DNAJC6: variants seen among roughly 807,000 people sequenced by gnomAD.
The protein encoded by DNAJC6 is DnaJ heat shock protein family (Hsp40) member C6, also known as auxilin.
Under a neutral mutation model 110.0 loss-of-function variants are expected in DNAJC6, and 34 were observed. The observed-to-expected ratio is 0.31, with a 90% CI of 0.24 to 0.41. The LOEUF is 0.41. Among genes scored for constraint, DNAJC6 ranks in the 10% least tolerant of loss-of-function variants. DNAJC6 has a pLI of 1.00. For synonymous variants in DNAJC6, 406 were observed against 437.2 expected, an observed-to-expected ratio of 0.93 and a Z score of 0.89; for missense variants, 1,031 against 1,207.8, an observed-to-expected ratio of 0.85 and a Z score of 2.17.
At chr1:65,300,956 T>C (rs72915235) in intron 1 of DNAJC6, among the ~76,000 whole-genome samples, 1 of 152,330 alleles carries the variant, frequency 6.6e-6, no homozygotes, top group African/African-American at 2.4e-5. Flanking sequence ...ATCCAGATTT[T>C]AAGGATCTTG....
At chr1:65,341,433 A>G (rs1214396339) in intron 1 of DNAJC6, among the ~76,000 whole-genome samples, 1 of 152,090 alleles carries the variant, frequency 6.6e-6, no homozygotes, top group Non-Finnish European at 1.5e-5. Context: ...AGCACCTGTG[A>G]GCTCTGATTG....
chr1:65,352,270 AG>A lies in DNAJC6; in HGVS notation c.194-12359del, dbSNP rs368278468. ...CTGGGTTCTTTCCTCTCATTGTCCA[AG>A]GGGGGCTTCCAGCTCTCTGACTGTT... is the stretch of plus-strand genomic sequence containing the variant. On this transcript the variant is annotated intron_variant, in intron 1 of 18. Transcript: ENST00000371069. 1.6e-3 allele frequency among the ~76,000 whole-genome samples: 238 copies of A among 152,218 alleles called. 1 individual carries two copies. The highest frequency in any genetic ancestry group is 5.6e-3 in the African/African-American group (232 of 41,546).
At chr1:65,352,442 CA>C (rs538682561) in intron 1 of DNAJC6, among the ~76,000 whole-genome samples, 14 of 149,650 alleles carry the variant, frequency 9.4e-5, no homozygotes, top group Non-Finnish European at 1.8e-4. Context: ...ATGCACTATC[CA>C]TTGTGCCACA....
intron 17 of DNAJC6, among the ~76,000 whole-genome samples, chr1:65,410,971 T>C (rs1409563908): frequency 6.6e-6 from 1 of 152,154 alleles, no homozygotes; most frequent in East Asian, 1.9e-4. Context: ...TGAGTATAAC[T>C]CTGGGGGTGG....
chr1:65,362,623 A>G (rs1316676672), intron 1 of DNAJC6, among the ~76,000 whole-genome samples: 1 of 152,204 alleles, frequency 6.6e-6, no homozygotes, highest in Non-Finnish European at 1.5e-5. Flanking sequence ...CACAATTTTT[A>G]TCCCTATTTT....
intron 1 of DNAJC6, among the ~76,000 whole-genome samples, chr1:65,265,968 C>T (rs369240575): frequency 6.6e-6 from 1 of 152,378 alleles, no homozygotes; most frequent in East Asian, 1.9e-4. Flanking sequence ...GCGCAGCAGT[C>T]TGCGCTTCGA....
chr1:65,402,604 G>A (rs745550229), intron 15 of DNAJC6, among the ~76,000 whole-genome samples: 22 of 152,088 alleles, frequency 1.4e-4, no homozygotes, highest in Non-Finnish European at 2.5e-4. Flanking sequence ...CCTCCTCTAG[G>A]GCAGTGCAGA....
intron 1 of DNAJC6, among the ~76,000 whole-genome samples, chr1:65,282,115 C>T (rs1306084993): frequency 6.6e-6 from 1 of 152,086 alleles, no homozygotes; most frequent in African/African-American, 2.4e-5. Context: ...TTTGTAGAGA[C>T]AAAGTCTCAC....
upstream of DNAJC6, among the ~76,000 whole-genome samples, chr1:65,304,849 G>A (rs558583497): frequency 1.3e-5 from 2 of 152,286 alleles, no homozygotes; most frequent in South Asian, 2.1e-4. Context: ...GTGAACTATG[G>A]TCCTCAGACT....
In DNAJC6 at chr1:65,365,894, G is replaced by A. The variant is rs754100016; in HGVS notation, c.354G>A (p.Lys118=). 6.2e-7 allele frequency: 1 copy of A among 1,613,320 alleles called. No homozygotes were observed. The highest frequency in any genetic ancestry group is 8.5e-7 in the Non-Finnish European group (1 of 1,179,606). ...TTTGTCTTGCTTTTAGCTACACAAA[G>A]GGAGATTTAGACTTCACTTATGTTA... is the stretch of plus-strand genomic sequence containing the variant. ...RVIQSVTSYT[K]GDLDFTYVTS... is the part of the protein sequence containing the mutation. Residue 118 remains lysine (K), a synonymous_variant, in exon 3 of 19, where the codon AAG becomes AAA. Coordinates refer to ENST00000371069, the MANE Select transcript of DNAJC6 (RefSeq NM_001256864.2).
intron 1 of DNAJC6, among the ~76,000 whole-genome samples, chr1:65,357,760 G>T (rs1344219764): frequency 6.6e-6 from 1 of 152,180 alleles, no homozygotes; most frequent in Non-Finnish European, 1.5e-5. Context: ...AACTTGTGTG[G>T]CTGTGAACTG....
chr1:65,270,595 G>T (rs982564818), intron 1 of DNAJC6, among the ~76,000 whole-genome samples: 1 of 152,000 alleles, frequency 6.6e-6, no homozygotes, highest in Non-Finnish European at 1.5e-5. Flanking sequence ...GGGTTATAAG[G>T]GTTATAAATC....
At chr1:65,301,080 T>A (rs1230031742) in intron 1 of DNAJC6, among the ~76,000 whole-genome samples, 6 of 152,198 alleles carry the variant, frequency 3.9e-5, no homozygotes, top group Non-Finnish European at 7.3e-5. Context: ...ATTTACCACA[T>A]AAAAATTTCC....
At chr1:65,406,532 C>G (rs1646078265) in intron 16 of DNAJC6, among the ~76,000 whole-genome samples, 1 of 152,118 alleles carries the variant, frequency 6.6e-6, no homozygotes, top group Non-Finnish European at 1.5e-5. Context: ...GCTGTTATTC[C>G]TTTGGAAGAG....
chr1:65,308,290 T>G (rs1288088382), upstream of DNAJC6, among the ~76,000 whole-genome samples: 1 of 152,184 alleles, frequency 6.6e-6, no homozygotes, highest in African/African-American at 2.4e-5. Context: ...TGCACGTACT[T>G]TTTTCCTGTT....
At position 65,389,385 on chromosome 1, in the gene DNAJC6, A is replaced by G; in HGVS notation, c.1323A>G (p.Lys441=). 1 of 1,614,198 alleles carries G rather than the reference A, an allele frequency of 6.2e-7. No homozygotes were observed. The highest frequency in any genetic ancestry group is 2.2e-5 in the East Asian group (1 of 44,878). Residue 441 remains lysine, a synonymous_variant, in exon 10 of 19, where the codon AAA becomes AAG. Coordinates refer to ENST00000371069, the MANE Select transcript of DNAJC6 (RefSeq NM_001256864.2). The part of the protein sequence containing the change: ...LTPPWEHYCT[K]DVNPSILFSS... ...CACCATGGGAACATTACTGCACAAAAGATGTCAATCCCAGCATCCTCTTCT... is the reference window on the plus strand; with the variant it reads ...CACCATGGGAACATTACTGCACAAAGGATGTCAATCCCAGCATCCTCTTCT...
intron 1 of DNAJC6, among the ~76,000 whole-genome samples, chr1:65,300,060 A>AAAAG (rs1557506361): frequency 2.7e-5 from 4 of 149,706 alleles, no homozygotes; most frequent in African/African-American, 4.9e-5. Context: ...AAAAAAAAAA[A>AAAAG]AAAGAAAAAA....
intron 1 of DNAJC6, among the ~76,000 whole-genome samples, chr1:65,271,251 T>A (rs1653496524): frequency 6.6e-6 from 1 of 152,166 alleles, no homozygotes; most frequent in African/African-American, 2.4e-5. Flanking sequence ...ATATTTATCA[T>A]TTCTTTGTGA....
intron 1 of DNAJC6, among the ~76,000 whole-genome samples, chr1:65,285,950 C>T (rs1020741354): frequency 6.6e-6 from 1 of 152,174 alleles, no homozygotes; most frequent in Non-Finnish European, 1.5e-5. Context: ...GGATTAAAGG[C>T]ATGAGCCACC....
Sources: gnomAD v4.1 joint callset for allele counts (sites outside exome capture counted in the v4.1 genomes callset) on GRCh38, gnomAD v4.1.1 for gene constraint, MANE v1.5 for transcripts, NCBI Gene and HGNC (gene_info 2026-07-23, HGNC 2026-07-21) for gene names.